Variants in AGBL4 observed in about 807,000 individuals in gnomAD.
The protein encoded by AGBL4 is AGBL carboxypeptidase 4, also known as cytosolic carboxypeptidase 6.
A neutral mutation model predicts 66.4 loss-of-function variants in AGBL4; 58 were observed. The observed-to-expected ratio is 0.87, with a 90% confidence interval of 0.71 to 1.09. The LOEUF (loss-of-function observed/expected upper bound fraction) is 1.09. Among genes scored for constraint, AGBL4 ranks in the 50% least tolerant of loss-of-function variants. The pLI is 0.00. For missense variants in AGBL4, 579 were observed against 631.0 expected (o/e 0.92, Z 0.88); for synonymous variants, 234 against 222.9 (o/e 1.05, Z -0.44).
chr1:48,923,319 T>C (rs1189102784), intron 5 of AGBL4, among the ~76,000 whole-genome samples: 1 of 152,136 alleles, frequency 6.6e-6, no homozygotes, highest in African/African-American at 2.4e-5. Flanking sequence ...CACAGGGACT[T>C]TCCAAGAGCT....
At chr1:48,595,068 T>C (rs2148354231) in intron 9 of AGBL4, among the ~76,000 whole-genome samples, 1 of 152,300 alleles carries the variant, frequency 6.6e-6, no homozygotes, top group East Asian at 1.9e-4. Context: ...GATTGTTTAT[T>C]ATAGAAGCTA....
intron 2 of AGBL4, chr1:49,844,828 C>T (rs1646094610): frequency 5.9e-6 from 9 of 1,527,760 alleles, no homozygotes; most frequent in Non-Finnish European, 8.2e-6. Context: ...CACTGTGGGC[C>T]ACTGGGAATG....
chr1:49,564,151 T>C (rs1331317614), intron 3 of AGBL4, among the ~76,000 whole-genome samples: 2 of 152,184 alleles, frequency 1.3e-5, no homozygotes, highest in African/African-American at 4.8e-5. Flanking sequence ...GGATCGGTGG[T>C]GATGTCCCCT....
chr1:49,551,230 G>A (rs1222267434), intron 3 of AGBL4, among the ~76,000 whole-genome samples: 1 of 152,050 alleles, frequency 6.6e-6, no homozygotes, highest in Non-Finnish European at 1.5e-5. Context: ...CTTGCATTGG[G>A]CTTTGCCTTT....
At chr1:49,352,881 A>T (rs1311998741) in intron 3 of AGBL4, among the ~76,000 whole-genome samples, 1 of 152,176 alleles carries the variant, frequency 6.6e-6, no homozygotes, top group Non-Finnish European at 1.5e-5. Context: ...GTAGCAGCAG[A>T]TGGAGTTGGG....
At chr1:49,994,081 T>C (rs1230854737) in intron 1 of AGBL4, among the ~76,000 whole-genome samples, 1 of 152,188 alleles carries the variant, frequency 6.6e-6, no homozygotes, top group East Asian at 1.9e-4. Context: ...GGTTTTGAAT[T>C]ATTATTCAAA....
At chr1:48,641,890 G>A (rs1377890654) in intron 8 of AGBL4, among the ~76,000 whole-genome samples, 1 of 152,128 alleles carries the variant, frequency 6.6e-6, no homozygotes, top group African/African-American at 2.4e-5. Flanking sequence ...TGCAGTGAGA[G>A]GTAGATGCAA....
intron 5 of AGBL4, among the ~76,000 whole-genome samples, chr1:49,002,353 G>A (rs3127556): frequency 0.57 from 86,715 of 151,954 alleles, 25,170 homozygotes; most frequent in Non-Finnish European, 0.61. Flanking sequence ...TTGCTCACTG[G>A]AAGTTGAAAT....
At chr1:49,163,418 C>T (rs1646574777) in intron 4 of AGBL4, among the ~76,000 whole-genome samples, 1 of 152,142 alleles carries the variant, frequency 6.6e-6, no homozygotes, top group South Asian at 2.1e-4. Flanking sequence ...CTCTGATATT[C>T]CTAGTCATCA....
chr1:49,287,041 C>T (rs1316271402), intron 3 of AGBL4, among the ~76,000 whole-genome samples: 4 of 150,562 alleles, frequency 2.7e-5, no homozygotes, highest in African/African-American at 9.8e-5. Context: ...CAGAACAGAG[C>T]CCTCAGAAAT....
intron 4 of AGBL4, among the ~76,000 whole-genome samples, chr1:49,097,908 T>G (rs779602054): frequency 4.1e-4 from 62 of 152,218 alleles, no homozygotes; most frequent in Non-Finnish European, 8.4e-4. Context: ...GAGGTAAAAG[T>G]CTTTCATTCT....
At chr1:49,009,389 G>A (rs1274354702) in intron 5 of AGBL4, among the ~76,000 whole-genome samples, 1 of 150,274 alleles carries the variant, frequency 6.7e-6, no homozygotes, top group Non-Finnish European at 1.5e-5. Flanking sequence ...ATAATCAATA[G>A]CTTACCAACC....
chr1:48,954,418 A>C (rs1657261774), intron 5 of AGBL4, among the ~76,000 whole-genome samples: 1 of 152,222 alleles, frequency 6.6e-6, no homozygotes, highest in African/African-American at 2.4e-5. Flanking sequence ...ACACTTGTTG[A>C]ATGCTATTCA....
At chr1:49,454,421 G>C (rs545130353) in intron 3 of AGBL4, among the ~76,000 whole-genome samples, 2 of 151,824 alleles carry the variant, frequency 1.3e-5, no homozygotes, top group South Asian at 4.2e-4. Flanking sequence ...TATAATTGAA[G>C]ATAACCAGGC....
chr1:49,700,340 T>C (rs934587454), intron 2 of AGBL4, among the ~76,000 whole-genome samples: 11 of 137,062 alleles, frequency 8.0e-5, no homozygotes, highest in East Asian at 2.0e-4. Context: ...GATAGATAGA[T>C]AGACAGATAG....
chr1:48,675,360 A>C (rs901151118), intron 6 of AGBL4, among the ~76,000 whole-genome samples: 6 of 152,198 alleles, frequency 3.9e-5, no homozygotes, highest in African/African-American at 1.2e-4. Flanking sequence ...AAATGTCTCC[A>C]TGCCACATTA....
chr1:49,030,329 G>A (rs553306071), intron 5 of AGBL4, among the ~76,000 whole-genome samples: 11 of 152,168 alleles, frequency 7.2e-5, no homozygotes, highest in East Asian at 1.9e-4. Flanking sequence ...CAAGACAGCC[G>A]ACTGAAAACC....
chr1:49,999,810 C>T (rs1660619291), intron 1 of AGBL4, among the ~76,000 whole-genome samples: 1 of 152,036 alleles, frequency 6.6e-6, no homozygotes, highest in Non-Finnish European at 1.5e-5. Flanking sequence ...CAAACAAAAA[C>T]ATAAAGTAGA....
At position 49,721,248 on chromosome 1, in the gene AGBL4, C is replaced by T. The variant is rs1648583539; in HGVS notation, c.158-23811G>A. ...ATAAGGGAATAAAAGCTGGACAACC[C>T]AGCCAACAGTGGCAATCCGCTCGGG... On this transcript the variant is annotated intron_variant, in intron 2 of 13. Transcript: ENST00000371839. Among the ~76,000 whole-genome samples the T allele has an allele frequency of 1.3e-5, 2 of 152,108 alleles. 1 individual carries two copies. The highest frequency in any genetic ancestry group is 4.1e-4 in the South Asian group (2 of 4,834).
Sources: allele counts gnomAD v4.1 joint callset (sites outside exome capture counted in the v4.1 genomes callset), GRCh38; gene constraint gnomAD v4.1.1; transcripts MANE v1.5; gene names NCBI Gene and HGNC (gene_info 2026-07-23, HGNC 2026-07-21).